Variants in ARHGEF33 observed in about 807,000 individuals in gnomAD.
ARHGEF33 encodes Rho guanine nucleotide exchange factor 33.
A neutral mutation model predicts 101.9 loss-of-function variants in ARHGEF33; 72 were observed. The observed-to-expected ratio is 0.71, with a 90% CI of 0.58 to 0.86. The LOEUF (loss-of-function observed/expected upper bound fraction) is 0.86. Ranked by LOEUF, ARHGEF33 falls within the 40% of genes least tolerant of loss-of-function variation. The pLI, the probability that ARHGEF33 is intolerant of heterozygous loss-of-function variation, is 0.00. For missense variants in ARHGEF33, 1,169 were observed against 1,111.3 expected, an observed-to-expected ratio of 1.05 and a Z score of -0.74; for synonymous variants, 499 against 442.5, an observed-to-expected ratio of 1.13 and a Z score of -1.60.
At chr2:38,929,358 G>T (rs1054260303) in intron 5 of ARHGEF33, among the ~76,000 whole-genome samples, 1 of 152,092 alleles carries the variant, frequency 6.6e-6, no homozygotes, top group Admixed American at 6.5e-5. Context: ...GAGCCAGGAA[G>T]TGGAGGTTGT....
At chr2:38,929,184 ACTT>A in intron 5 of ARHGEF33, 113 bp downstream of exon 5, 3 of 728,494 alleles carry the variant, frequency 4.1e-6, no homozygotes, top group Non-Finnish European at 6.6e-6. Context: ...TAATCCCAGC[ACTT>A]TGGGAGGCCG....
In ARHGEF33 at chr2:38,929,010, G is replaced by T; in HGVS notation, c.179G>T (p.Ser60Ile). The T allele has an allele frequency of 6.4e-7, 1 of 1,551,068 alleles. No individual in the cohort carries two copies. Among genetic ancestry groups the T allele is most frequent in the Non-Finnish European group, 8.7e-7 (1 of 1,146,452 alleles). ...GEYALEEKVK[S>I]CRCSMEEKVT... The stretch of plus-strand genomic sequence containing the variant: ...TATGCTTTGGAAGAAAAGGTTAAGA[G>T]CTGCAGATGTTCCATGGAAGAAAAA... Residue 60 changes from serine to isoleucine, a missense_variant, in exon 5 of 18, where the codon AGC becomes ATC. Ser to Ile is a moderately radical substitution (Grantham distance 142). Coordinates refer to ENST00000409978, the MANE Select transcript of ARHGEF33 (RefSeq NM_001145451.5).
intron 2 of ARHGEF33, among the ~76,000 whole-genome samples, chr2:38,903,281 C>G (rs910729837): frequency 2.6e-5 from 4 of 151,816 alleles, no homozygotes; most frequent in Non-Finnish European, 5.9e-5. Context: ...TTTTAAGAAG[C>G]AGGGATCTGT....
intron 11 of ARHGEF33, among the ~76,000 whole-genome samples, chr2:38,952,277 G>A (rs537609900): frequency 5.9e-5 from 9 of 152,324 alleles, no homozygotes; most frequent in Non-Finnish European, 2.9e-5. Context: ...TGCATATAAT[G>A]TACTAATATC....
Position 38,919,419 on chromosome 2 carries a change from T to C in ARHGEF33, c.-29T>C, listed in dbSNP as rs1321054205. ...ACGATGAGGATGCAATGTTGAAGAA[T>C]AAGCTGGAGAAGAGAAGTAACCGGC... On this transcript the variant is annotated 5_prime_UTR_variant, in exon 3 of 18. Transcript: ENST00000409978. 4 of 1,551,588 alleles carry C rather than the reference T, an allele frequency of 2.6e-6. No individual in the cohort carries two copies. The Admixed American group carries it at 5.9e-5, about 23-fold the overall frequency.
chr2:38,964,497 C>T (rs1558446274), intron 16 of ARHGEF33, among the ~76,000 whole-genome samples: 1 of 151,484 alleles, frequency 6.6e-6, no homozygotes, highest in Non-Finnish European at 1.5e-5. Context: ...CCAGCATTAG[C>T]ATCATTGTCT....
chr2:38,969,326 C>G (rs1055102887), intron 17 of ARHGEF33: 1 of 167,388 alleles, frequency 6.0e-6, no homozygotes, highest in African/African-American at 2.4e-5. Context: ...TGTGTCATGT[C>G]TGGGGCTTGC....
At chr2:38,894,053 T>C (rs1033538387) in intron 1 of ARHGEF33, among the ~76,000 whole-genome samples, 1 of 152,184 alleles carries the variant, frequency 6.6e-6, no homozygotes. Context: ...CCAGGCTGGC[T>C]CACTCTTTTG....
chr2:38,910,704 C>G (rs1666490925), intron 2 of ARHGEF33, among the ~76,000 whole-genome samples: 1 of 152,114 alleles, frequency 6.6e-6, no homozygotes, highest in African/African-American at 2.4e-5. Context: ...TGTATTATTT[C>G]TCTTTCTCTC....
intron 1 of ARHGEF33, among the ~76,000 whole-genome samples, chr2:38,892,352 A>G (rs528336973): frequency 6.6e-6 from 1 of 152,270 alleles, no homozygotes; most frequent in African/African-American, 2.4e-5. Context: ...CGTAATTTTC[A>G]CTGGGTTTTT....
chr2:38,890,085 T>C lies in ARHGEF33; in HGVS notation c.-159+99T>C, dbSNP rs933142577. On this transcript the variant is annotated intron_variant, in intron 1 of 17. Transcript: ENST00000409978. ...AATCCTTACCACGTGGTGTACTAAT[T>C]TAAATCCAATATATGCTAACATTTA... The C allele has an allele frequency of 1.2e-5, 3 of 248,532 alleles. No individual in the cohort carries two copies. The East Asian group carries it at 3.4e-4, about 28-fold the overall frequency. 15.4% of individuals were successfully genotyped at this position (248,532 alleles called of 1,614,324 possible).
intron 4 of ARHGEF33, among the ~76,000 whole-genome samples, chr2:38,925,649 C>A (rs1308363468): frequency 6.6e-6 from 1 of 152,200 alleles, no homozygotes; most frequent in Non-Finnish European, 1.5e-5. Flanking sequence ...TGGCAGAAAA[C>A]TCGTGTTGCT....
intron 2 of ARHGEF33, among the ~76,000 whole-genome samples, chr2:38,909,323 A>T (rs1572742770): frequency 2.0e-5 from 3 of 151,778 alleles, no homozygotes; most frequent in African/African-American, 7.3e-5. Flanking sequence ...TTATTTCATT[A>T]AAAAAAATTT....
intron 2 of ARHGEF33, among the ~76,000 whole-genome samples, chr2:38,914,664 C>CAAAAAAAAAAAAAAA (rs199737558): frequency 1.0e-5 from 1 of 95,956 alleles, no homozygotes; most frequent in Non-Finnish European, 2.1e-5. Flanking sequence ...GACTCCATCT[C>CAAAAAAAAAAAAAAA]AAAAAAAAAA....
At chr2:38,962,074 A>G (rs1266606016) in intron 16 of ARHGEF33, among the ~76,000 whole-genome samples, 1 of 152,216 alleles carries the variant, frequency 6.6e-6, no homozygotes, top group African/African-American at 2.4e-5. Context: ...AACATGTAAT[A>G]GTGTGCTCAG....
intron 9 of ARHGEF33, among the ~76,000 whole-genome samples, chr2:38,943,532 C>A: frequency 2.0e-5 from 1 of 50,274 alleles, no homozygotes; most frequent in East Asian, 4.7e-4. Flanking sequence ...AGTGAGGAAG[C>A]CATCTGGTAT....
intron 1 of ARHGEF33, among the ~76,000 whole-genome samples, chr2:38,891,069 G>T (rs1181878546): frequency 1.3e-5 from 2 of 150,882 alleles, no homozygotes. Context: ...AGGTAACTGA[G>T]ACCACAGGTG....
At chr2:38,954,656 C>G (rs2124417017) in intron 13 of ARHGEF33, among the ~76,000 whole-genome samples, 200 bp downstream of exon 13, 1 of 128,994 alleles carries the variant, frequency 7.8e-6, no homozygotes. Context: ...TTTTTTGAGA[C>G]AGAGTCTTGC....
Position 38,959,986 on chromosome 2 carries a change from G to C in ARHGEF33, c.1681G>C (p.Ala561Pro). 6.4e-7 allele frequency: 1 copy of C among 1,550,840 alleles called. No individual in the cohort carries two copies. The highest frequency in any genetic ancestry group is 8.7e-7 in the Non-Finnish European group (1 of 1,146,712). ...TCTGGCACCGACGCAGTTCTGCGCG[G>C]CCGAGCAGGACGTGAAGGCGCTGGC... The part of the protein sequence containing the change: ...SLLAPTQFCA[A>P]EQDVKALAGP... The change falls in exon 16 of 18, where the codon GCC (alanine) becomes CCC (proline). Residue 561 changes from alanine to proline, a missense_variant. Physicochemically the swap from Ala to Pro is conservative, Grantham distance 27. Transcript: ENST00000409978.
Sources: allele counts gnomAD v4.1 joint callset (sites outside exome capture counted in the v4.1 genomes callset), GRCh38; gene constraint gnomAD v4.1.1; transcripts MANE v1.5; gene names NCBI Gene and HGNC (gene_info 2026-07-23, HGNC 2026-07-21).